NKAIN2: variants seen among roughly 807,000 people sequenced by gnomAD.
The protein encoded by NKAIN2 is sodium/potassium transporting ATPase interacting 2, also known as sodium/potassium-transporting ATPase subunit beta-1-interacting protein 2.
A neutral mutation model predicts 32.6 loss-of-function variants in NKAIN2; 14 were observed. That is an observed-to-expected ratio of 0.43 (90% CI 0.28 to 0.67). NKAIN2 has a LOEUF of 0.67. Ranked by LOEUF, NKAIN2 falls within the 30% of genes least tolerant of loss-of-function variation. The probability of loss-of-function intolerance (pLI) is 0.17; values close to 1 mark genes in which losing one functional copy is unlikely to be tolerated. For synonymous variants in NKAIN2, 80 were observed against 87.2 expected, an observed-to-expected ratio of 0.92 and a Z score of 0.46; for missense variants, 198 against 258.3, an observed-to-expected ratio of 0.77 and a Z score of 1.60.
intron 1 of NKAIN2, among the ~76,000 whole-genome samples, chr6:123,856,189 A>G (rs1188147111): frequency 6.6e-6 from 1 of 152,174 alleles, no homozygotes; most frequent in Non-Finnish European, 1.5e-5. Flanking sequence ...AGACATGTAG[A>G]ACTAAAGAAT....
intron 2 of NKAIN2, among the ~76,000 whole-genome samples, chr6:124,349,795 A>G (rs1476541406): frequency 6.6e-6 from 1 of 152,228 alleles, no homozygotes; most frequent in Non-Finnish European, 1.5e-5. Flanking sequence ...TATCTTATAT[A>G]GCTAATTTGA....
rs560598492 is a variant in NKAIN2 at position 124,043,478 on chromosome 6, T to A, written c.54+239224T>A. Among the ~76,000 whole-genome samples the A allele has an allele frequency of 2.0e-5, 3 of 152,236 alleles. No individual in the cohort carries two copies. The South Asian group carries it at 6.2e-4, about 32-fold the overall frequency. On this transcript the variant is annotated intron_variant, in intron 1 of 6. Transcript: ENST00000368417. ...TGGCTAATCTAAAAGTTTTACCTTT[T>A]ATAGATATCAAAGCTGCCTTAAAAA...
chr6:124,795,381 G>T (rs1179246431), intron 5 of NKAIN2, among the ~76,000 whole-genome samples: 1 of 152,098 alleles, frequency 6.6e-6, no homozygotes, highest in Non-Finnish European at 1.5e-5. Flanking sequence ...CAATGGAGAG[G>T]GTTTGAGCTC....
intron 1 of NKAIN2, among the ~76,000 whole-genome samples, chr6:124,256,885 G>GTTTTTTTTTTTTT (rs568654193): frequency 1.8e-4 from 14 of 75,916 alleles, no homozygotes; most frequent in African/African-American, 4.3e-4. Context: ...GCTTTCTGTT[G>GTTTTTTTTTTTTT]TTTTTTTTTT....
chr6:124,706,974 A>T (rs530540530), intron 4 of NKAIN2, among the ~76,000 whole-genome samples: 3 of 150,274 alleles, frequency 2.0e-5, no homozygotes, highest in East Asian at 2.0e-4. Context: ...ATATCTCCCA[A>T]TGCTATCCGT....
At chr6:124,322,300 C>CT (rs1354204649) in intron 2 of NKAIN2, among the ~76,000 whole-genome samples, 1 of 152,078 alleles carries the variant, frequency 6.6e-6, no homozygotes, top group Non-Finnish European at 1.5e-5. Context: ...TAGATTATAA[C>CT]TTTTTTTCAA....
At chr6:124,297,151 A>G (rs1227872284) in intron 2 of NKAIN2, among the ~76,000 whole-genome samples, 1 of 152,192 alleles carries the variant, frequency 6.6e-6, no homozygotes, top group Non-Finnish European at 1.5e-5. Context: ...TCCTTGAACA[A>G]CATAGGGGTT....
chr6:124,640,894 C>T (rs909973457), intron 3 of NKAIN2, among the ~76,000 whole-genome samples: 3 of 152,122 alleles, frequency 2.0e-5, no homozygotes, highest in South Asian at 2.1e-4. Flanking sequence ...TTCTTTCCTT[C>T]CATCTTTCTT....
intron 3 of NKAIN2, among the ~76,000 whole-genome samples, chr6:124,405,839 C>T (rs1441128672): frequency 1.3e-5 from 2 of 151,984 alleles, no homozygotes; most frequent in African/African-American, 2.4e-5. Flanking sequence ...CAAAGTAAAA[C>T]AAAACAATGG....
chr6:124,500,552 A>G (rs1778247131), intron 3 of NKAIN2, among the ~76,000 whole-genome samples: 1 of 151,924 alleles, frequency 6.6e-6, no homozygotes, highest in Admixed American at 6.6e-5. Flanking sequence ...TACTCTGGAT[A>G]CTGAGGCAGG....
At chr6:124,252,711 TCTTCA>T (rs1793743350) in intron 1 of NKAIN2, among the ~76,000 whole-genome samples, 1 of 152,106 alleles carries the variant, frequency 6.6e-6, no homozygotes, top group East Asian at 1.9e-4. Context: ...TTCTCCTTCC[TCTTCA>T]CTTCAGTGTG....
chr6:124,818,403 C>T lies in NKAIN2; in HGVS notation c.552C>T (p.Gly184=), dbSNP rs1419641298. ...CCTTTTCAGTTGATTTCATAGGTGG[C>T]TTTGACTCTTATGGCTATCAAGGGC... ...EEEDSFDFIG[G]FDSYGYQGPQ... The change falls in exon 6 of 7, where the codon GGC becomes GGT. Residue 184 remains glycine (G), a synonymous_variant. Coordinates refer to ENST00000368417, the MANE Select transcript of NKAIN2 (RefSeq NM_001040214.3). 2 of 1,598,944 alleles carry T rather than the reference C, an allele frequency of 1.3e-6. No individual in the cohort carries two copies. Among genetic ancestry groups the T allele is most frequent in the Admixed American group, 1.7e-5 (1 of 59,732 alleles).
chr6:124,530,820 C>G lies in NKAIN2; in HGVS notation c.274-127366C>G, dbSNP rs530213981. ...TTATAATTTTTAGAGTCCAAAGCTC[C>G]AAGAACCATGAACTCTTCATCGAAG... On this transcript the variant is annotated intron_variant, in intron 3 of 6. Coordinates refer to ENST00000368417, the MANE Select transcript of NKAIN2 (RefSeq NM_001040214.3). Among the ~76,000 whole-genome samples the G allele has an allele frequency of 3.2e-4, 49 of 152,216 alleles. 1 individual carries two copies. The highest frequency in any genetic ancestry group is 1.2e-3 in the African/African-American group (49 of 41,542).
At chr6:123,866,242 C>T (rs1772506114) in intron 1 of NKAIN2, among the ~76,000 whole-genome samples, 1 of 152,142 alleles carries the variant, frequency 6.6e-6, no homozygotes, top group South Asian at 2.1e-4. Flanking sequence ...TTGACAACTC[C>T]ATCCTCATCT....
At chr6:124,430,804 C>T (rs189765993) in intron 3 of NKAIN2, among the ~76,000 whole-genome samples, 1 of 152,150 alleles carries the variant, frequency 6.6e-6, no homozygotes, top group Non-Finnish European at 1.5e-5. Context: ...TACTCCACCT[C>T]TCAATGGGTG....
intron 3 of NKAIN2, among the ~76,000 whole-genome samples, chr6:124,541,042 G>A (rs1013233771): frequency 6.6e-5 from 10 of 152,110 alleles, no homozygotes; most frequent in Admixed American, 1.3e-4. Context: ...AAAAGAAAAT[G>A]AGATAATGTG....
intron 3 of NKAIN2, among the ~76,000 whole-genome samples, chr6:124,426,289 G>T (rs990614424): frequency 4.0e-5 from 6 of 151,896 alleles, no homozygotes; most frequent in Non-Finnish European, 8.8e-5. Context: ...AACATTTTTT[G>T]ATAAGACACT....
intron 3 of NKAIN2, among the ~76,000 whole-genome samples, chr6:124,406,013 G>GGTGTGTGTGTGTGTGTGTGTGT (rs59361002): frequency 0.034 from 5,078 of 148,442 alleles, 96 homozygotes; most frequent in African/African-American, 0.037. Flanking sequence ...TTACCACCAC[G>GGTGTGTGTGTGTGTGTGTGTGT]GTGTGTGTGT....
chr6:124,003,014 A>C (rs1582912042), intron 1 of NKAIN2, among the ~76,000 whole-genome samples: 1 of 152,046 alleles, frequency 6.6e-6, no homozygotes, highest in African/African-American at 2.4e-5. Context: ...TCATGGTTAG[A>C]CCTCCCCTCC....
Sources: gnomAD v4.1 joint callset for allele counts (sites outside exome capture counted in the v4.1 genomes callset) on GRCh38, gnomAD v4.1.1 for gene constraint, MANE v1.5 for transcripts, NCBI Gene and HGNC (gene_info 2026-07-23, HGNC 2026-07-21) for gene names.